Variants in TNC observed in about 807,000 individuals in gnomAD.
The protein encoded by TNC is tenascin C.
A neutral mutation model predicts 202.4 loss-of-function variants in TNC; 109 were observed. The observed-to-expected ratio is 0.54, with a 90% confidence interval of 0.46 to 0.63. TNC has a LOEUF of 0.63. Ranked by LOEUF, TNC falls within the 30% of genes least tolerant of loss-of-function variation. The pLI is 0.00. For missense variants in TNC, 2,756 were observed against 2,833.3 expected, an observed-to-expected ratio of 0.97 and a Z score of 0.62; for synonymous variants, 1,007 against 1,089.7, an observed-to-expected ratio of 0.92 and a Z score of 1.50.
At chr9:115,094,621 T>A (rs1157193424) in intron 1 of TNC, among the ~76,000 whole-genome samples, 1 of 152,134 alleles carries the variant, frequency 6.6e-6, no homozygotes, top group Non-Finnish European at 1.5e-5. Context: ...AAACACAGAT[T>A]CTAATCTTTA....
At chr9:115,117,875 A>C (rs1468516576) in intron 1 of TNC, 107 bp downstream of exon 1, 4 of 152,112 alleles carry the variant, frequency 2.6e-5, no homozygotes, top group South Asian at 2.1e-4. Context: ...GGAAAAAAAA[A>C]CCCCATATGT....
Position 115,020,583 on chromosome 9 carries a change from TC to T in TNC, c.*573del. On this transcript the variant is annotated 3_prime_UTR_variant, in exon 28 of 28. Transcript: ENST00000350763. ...AAAAAAAAAATACAATCAGGTACTG[TC>T]CAGAAATGTTTTGGAAAGAAAGATC... 1 of 341,402 alleles carries T rather than the reference TC, an allele frequency of 2.9e-6. No homozygotes were observed. The highest frequency in any genetic ancestry group is 5.7e-6 in the Non-Finnish European group (1 of 175,220). 21.1% of individuals were successfully genotyped at this position (341,402 alleles called of 1,614,324 possible).
In TNC at chr9:115,084,306, G is replaced by C. The variant is rs772076025; in HGVS notation, c.2034C>G (p.Ile678Met). Residue 678 changes from isoleucine (I) to methionine (M), a missense_variant, in exon 4 of 28, where the codon ATC (isoleucine) becomes ATG (methionine). Physicochemically the swap from Ile to Met is conservative, Grantham distance 10. Transcript: ENST00000350763. ...FRVPGDQTST[I>M]IQELEPGVEY... ...CCACACCAGGCTCCAGCTCCTGGAT[G>C]ATGGTGGACGTCTGGTCCCCAGGCA... is the stretch of plus-strand genomic sequence containing the variant. 1.2e-5 allele frequency: 19 copies of C among 1,614,042 alleles called. No homozygotes were observed. In the East Asian group the frequency reaches 4.2e-4, roughly 36 times the overall value.
chr9:115,028,713 A>G (rs1829699969), intron 25 of TNC, among the ~76,000 whole-genome samples: 1 of 152,122 alleles, frequency 6.6e-6, no homozygotes, highest in Non-Finnish European at 1.5e-5. Context: ...AAAAGGCCAG[A>G]TATCTCCACA....
chr9:115,081,710 C>G, intron 6 of TNC, 62 bp downstream of exon 6: 1 of 1,584,102 alleles, frequency 6.3e-7, no homozygotes, highest in East Asian at 2.2e-5. Context: ...CTTTCTCAAC[C>G]AGGAGGTGCT....
At chr9:115,088,045 A>G (rs1013018058) in intron 2 of TNC, among the ~76,000 whole-genome samples, 1 of 152,230 alleles carries the variant, frequency 6.6e-6, no homozygotes, top group African/African-American at 2.4e-5. Flanking sequence ...GGCCAGGCAC[A>G]TAAAAGATGC....
At chr9:115,028,568 G>C (rs1481775172) in intron 25 of TNC, among the ~76,000 whole-genome samples, 3 of 151,954 alleles carry the variant, frequency 2.0e-5, no homozygotes, top group Non-Finnish European at 4.4e-5. Context: ...TCCTTAATCA[G>C]ATTTTACTTT....
At chr9:115,112,561 G>A (rs1837159402) in intron 1 of TNC, 1 of 152,142 alleles carries the variant, frequency 6.6e-6, no homozygotes, top group Non-Finnish European at 1.5e-5. Flanking sequence ...AGCCCTTTTA[G>A]TTTGAAAATT....
At position 115,063,115 on chromosome 9, in the gene TNC, G is replaced by C; in HGVS notation, c.3835C>G (p.Pro1279Ala). 14 of 1,614,142 alleles carry C rather than the reference G, an allele frequency of 8.7e-6. No homozygotes were observed. The highest frequency in any genetic ancestry group is 1.2e-5 in the Non-Finnish European group (14 of 1,180,016). The part of the protein sequence containing the change: ...WDALRLNWTT[P>A]DGTYDQFTIQ... ...GTAAACTGGTCATAGGTTCCATCTG[G>C]CGTGGTCCAGTTCAGTCTGAGAGCA... The change falls in exon 13 of 28, where the codon CCA becomes GCA. Residue 1279 changes from proline to alanine, a missense_variant. By Grantham distance (27) the Pro-to-Ala change is conservative (BLOSUM62 -1). Around this residue, in one of 2 missense-constraint regions of TNC, gnomAD observed 2,559 missense variants for 2,546.0 expected, o/e 1.01. Coordinates refer to ENST00000350763, the MANE Select transcript of TNC (RefSeq NM_002160.4).
intron 16 of TNC, 66 bp downstream of exon 16, chr9:115,048,193 TC>T: frequency 6.4e-7 from 1 of 1,556,842 alleles, no homozygotes; most frequent in Non-Finnish European, 8.7e-7. Context: ...GTCATGGCGA[TC>T]CGGTAGACAG....
intron 10 of TNC, among the ~76,000 whole-genome samples, chr9:115,067,017 C>T (rs1359552517): frequency 6.6e-6 from 1 of 152,200 alleles, no homozygotes; most frequent in Non-Finnish European, 1.5e-5. Context: ...ACACCAGAGG[C>T]TCCAAAGCAG....
At chr9:115,036,937 C>T (rs926706618) in intron 20 of TNC, among the ~76,000 whole-genome samples, 5 of 152,170 alleles carry the variant, frequency 3.3e-5, no homozygotes, top group South Asian at 2.1e-4. Context: ...CTTACCTCAT[C>T]ATTTGTGAGC....
intron 1 of TNC, among the ~76,000 whole-genome samples, chr9:115,100,882 C>T (rs989783352): frequency 2.0e-5 from 3 of 151,936 alleles, no homozygotes; most frequent in South Asian, 2.1e-4. Flanking sequence ...GTCAATTATA[C>T]CTCAATAAAG....
At chr9:115,098,495 T>C (rs534371479) in intron 1 of TNC, among the ~76,000 whole-genome samples, 7 of 152,372 alleles carry the variant, frequency 4.6e-5, no homozygotes, top group African/African-American at 1.7e-4. Context: ...ATCTGATTTT[T>C]TCCCTGGTCA....
chr9:115,044,164 G>A lies in TNC; in HGVS notation c.5126-1823C>T, dbSNP rs547390003. On this transcript the variant is annotated intron_variant, in intron 17 of 27. Coordinates refer to ENST00000350763, the MANE Select transcript of TNC (RefSeq NM_002160.4). ...AGAGGTACCTTGTGAGTGAGAGGAG[G>A]AGCTACAGCAGGGCCTTCTCAGGAG... 4.4e-4 allele frequency among the ~76,000 whole-genome samples: 67 copies of A among 151,812 alleles called. No individual in the cohort carries two copies. In the Middle Eastern group the frequency reaches 0.01, roughly 23 times the overall value.
chr9:115,022,268 C>G (rs1004464517), intron 27 of TNC, among the ~76,000 whole-genome samples: 1 of 152,262 alleles, frequency 6.6e-6, no homozygotes, highest in Admixed American at 6.5e-5. Context: ...ATTTCATGGG[C>G]AAATCCGCTT....
At chr9:115,073,537 T>C (rs1833614059) in intron 10 of TNC, 66 bp downstream of exon 10, 2 of 1,559,296 alleles carry the variant, frequency 1.3e-6, no homozygotes, top group South Asian at 2.4e-5. Flanking sequence ...GAGGACACCC[T>C]GGCTGAGGAG....
At chr9:115,053,736 T>C (rs144855294) in intron 15 of TNC, among the ~76,000 whole-genome samples, 1 of 152,342 alleles carries the variant, frequency 6.6e-6, no homozygotes, top group African/African-American at 2.4e-5. Context: ...ATTTTTACAG[T>C]ACTTAATATG....
At chr9:115,102,447 G>A (rs911083536) in intron 1 of TNC, among the ~76,000 whole-genome samples, 1 of 152,212 alleles carries the variant, frequency 6.6e-6, no homozygotes, top group Non-Finnish European at 1.5e-5. Flanking sequence ...GGTTCCAGAT[G>A]CCTTGAAGGC....
Sources: gnomAD v4.1 joint callset for allele counts (sites outside exome capture counted in the v4.1 genomes callset) on GRCh38, gnomAD v4.1.1 for gene constraint, gnomAD v4.1.1 regional missense constraint, MANE v1.5 for transcripts, NCBI Gene and HGNC (gene_info 2026-07-23, HGNC 2026-07-21) for gene names.